ADGRL2: variants seen among roughly 807,000 people sequenced by gnomAD.
ADGRL2 encodes calcium-independent alpha-latrotoxin receptor 2.
ADGRL2 carries 44 observed loss-of-function variants against 157.4 expected under a neutral mutation model. The ratio of observed to expected loss-of-function variants is 0.28; its 90% confidence interval spans 0.22 to 0.36. The LOEUF is 0.36. ADGRL2 is among the 10% of genes least tolerant of loss of function. The pLI, the probability that ADGRL2 is intolerant of heterozygous loss-of-function variation, is 1.00. For synonymous variants in ADGRL2, 585 were observed against 624.7 expected, an observed-to-expected ratio of 0.94 and a Z score of 0.95; for missense variants, 1,510 against 1,768.9, an observed-to-expected ratio of 0.85 and a Z score of 2.63.
rs375863513 is a variant in ADGRL2 at position 81,564,498 on chromosome 1, C to T, written c.-247-16378C>T. Among the ~76,000 whole-genome samples the T allele has an allele frequency of 5.3e-5, 8 of 152,260 alleles. No individual in the cohort carries two copies. In the East Asian group the frequency reaches 9.7e-4, roughly 18 times the overall value. On this transcript the variant is annotated intron_variant, in intron 2 of 24. Coordinates refer to the ADGRL2 transcript ENST00000370721. The stretch of plus-strand genomic sequence containing the variant: ...TTTTCTCATTATCTATTGGCCGGAG[C>T]CTCCCTCAGTGCCTTGCCACATGCA...
chr1:81,338,866 G>A (rs1255270563), intron 1 of ADGRL2, among the ~76,000 whole-genome samples: 1 of 152,144 alleles, frequency 6.6e-6, no homozygotes, highest in African/African-American at 2.4e-5. Context: ...ACTAAACTCT[G>A]CTCTTGACCA....
chr1:81,439,038 C>T (rs988096605), intron 1 of ADGRL2, among the ~76,000 whole-genome samples: 7 of 152,086 alleles, frequency 4.6e-5, no homozygotes, highest in South Asian at 4.1e-4. Context: ...CTCCCTTTAC[C>T]TGCCGTAAAA....
At chr1:81,328,272 A>G (rs1661034283) in intron 1 of ADGRL2, among the ~76,000 whole-genome samples, 1 of 152,160 alleles carries the variant, frequency 6.6e-6, no homozygotes, top group Admixed American at 6.5e-5. Context: ...TCCAGAGAAC[A>G]GTAAATTTAT....
chr1:81,821,170 T>C (rs1219762303), intron 1 of ADGRL2, among the ~76,000 whole-genome samples: 1 of 152,218 alleles, frequency 6.6e-6, no homozygotes, highest in African/African-American at 2.4e-5. Context: ...TATGACATCC[T>C]TAAAAAGACA....
chr1:81,808,236 A>G (rs2089416401), intron 1 of ADGRL2, among the ~76,000 whole-genome samples: 1 of 152,000 alleles, frequency 6.6e-6, no homozygotes, highest in South Asian at 2.1e-4. Context: ...CACTTATATA[A>G]GTTTGTTCAA....
intron 1 of ADGRL2, chr1:81,426,642 A>T (rs772300514): frequency 2.1e-6 from 1 of 474,270 alleles, no homozygotes; most frequent in Non-Finnish European, 4.1e-6. Flanking sequence ...ACACTCACAG[A>T]TTGTATGGTA....
chr1:81,587,493 A>G (rs1167096673), intron 3 of ADGRL2, among the ~76,000 whole-genome samples: 1 of 152,124 alleles, frequency 6.6e-6, no homozygotes, highest in Non-Finnish European at 1.5e-5. Context: ...AGCATGTCTT[A>G]TTCAGGGAAG....
At chr1:81,732,753 C>A (rs369550532) in intron 1 of ADGRL2, among the ~76,000 whole-genome samples, 1 of 152,154 alleles carries the variant, frequency 6.6e-6, no homozygotes, top group Non-Finnish European at 1.5e-5. Context: ...AGTGACCTAA[C>A]ATTTGTCTTC....
chr1:81,622,514 G>T (rs1252745025), intron 3 of ADGRL2, among the ~76,000 whole-genome samples: 8 of 152,194 alleles, frequency 5.3e-5, no homozygotes. Flanking sequence ...CTGGGAGGCG[G>T]AAGTTTCAGT....
intron 2 of ADGRL2, among the ~76,000 whole-genome samples, chr1:81,478,221 A>G (rs11163302): frequency 0.14 from 20,668 of 152,154 alleles, 2,399 homozygotes; most frequent in African/African-American, 0.29. Context: ...TACAGTGGGA[A>G]CATCGGAGAG....
At chr1:81,307,023 C>T (rs1326952482) in intron 1 of ADGRL2, among the ~76,000 whole-genome samples, 2 of 152,178 alleles carry the variant, frequency 1.3e-5, no homozygotes, top group Non-Finnish European at 2.9e-5. Flanking sequence ...TGCTAACAGG[C>T]CTGTCAGATA....
rs1237042685 is a variant in ADGRL2, at chr1:81,532,053, C to A, written c.-247-48823C>A. 3.9e-5 allele frequency among the ~76,000 whole-genome samples: 6 copies of A among 152,110 alleles called. No individual in the cohort carries two copies. In the South Asian group the frequency reaches 1.0e-3, roughly 26 times the overall value. ...AAACTAAATTCGAATTTTAGTCATG[C>A]CTTTACAAGCTCCATGGCTTTAATA... On this transcript the variant is annotated intron_variant, in intron 2 of 24. Transcript: ENST00000370721.
intron 1 of ADGRL2, among the ~76,000 whole-genome samples, chr1:81,361,141 A>T (rs1409183448): frequency 2.6e-5 from 4 of 151,900 alleles, no homozygotes; most frequent in Non-Finnish European, 5.9e-5. Flanking sequence ...ATGAATGTTT[A>T]TTCTATTGGG....
At position 81,990,657 on chromosome 1, in the gene ADGRL2, G is replaced by A. The variant is rs200383050; in HGVS notation, c.3922G>A (p.Asp1308Asn). 117 of 1,614,070 alleles carry A rather than the reference G, an allele frequency of 7.2e-5. No individual in the cohort carries two copies. Among genetic ancestry groups the A allele is most frequent in the Middle Eastern group, 4.9e-4 (3 of 6,084 alleles). The change falls in exon 24 of 24, where the codon GAT becomes AAT. Residue 1308 changes from aspartate to asparagine, a missense_variant. Coordinates refer to ENST00000686636, the MANE Select transcript of ADGRL2 (RefSeq NM_001366006.2). ...TGTGATTGGAGGTAGCAGCAGTGAA[G>A]ATGATGCTATTGTGGCAGATGCTTC... ...KPVIGGSSSE[D>N]DAIVADASSL...
chr1:81,327,882 C>A (rs1262793712), intron 1 of ADGRL2, among the ~76,000 whole-genome samples: 2 of 152,080 alleles, frequency 1.3e-5, no homozygotes, highest in East Asian at 3.9e-4. Context: ...GTGGACAAGG[C>A]CCATTAGTTG....
chr1:81,491,953 G>A (rs2078641949), intron 2 of ADGRL2, among the ~76,000 whole-genome samples: 1 of 152,162 alleles, frequency 6.6e-6, no homozygotes, highest in African/African-American at 2.4e-5. Flanking sequence ...ATGGAAACCA[G>A]TGCCAAAATG....
intron 3 of ADGRL2, among the ~76,000 whole-genome samples, chr1:81,622,863 C>T (rs2081827134): frequency 1.3e-5 from 2 of 152,174 alleles, no homozygotes; most frequent in Admixed American, 6.5e-5. Flanking sequence ...ACTATTCTGA[C>T]ATGATATTTC....
At chr1:81,653,320 G>GGTT (rs1553135522) in intron 3 of ADGRL2, among the ~76,000 whole-genome samples, 8 of 135,448 alleles carry the variant, frequency 5.9e-5, no homozygotes, top group Admixed American at 5.1e-4. Context: ...AACCTTTAGG[G>GGTT]TTTTTTTTTT....
At chr1:81,439,979 C>T (rs543966623) in intron 1 of ADGRL2, among the ~76,000 whole-genome samples, 1 of 152,340 alleles carries the variant, frequency 6.6e-6, no homozygotes, top group African/African-American at 2.4e-5. Context: ...GCTGTCTCCT[C>T]CTCTACCAAC....
Sources: gnomAD v4.1 joint callset for allele counts (sites outside exome capture counted in the v4.1 genomes callset) on GRCh38, gnomAD v4.1.1 for gene constraint, MANE v1.5 for transcripts, NCBI Gene and HGNC (gene_info 2026-07-23, HGNC 2026-07-21) for gene names.